LYPLAL1: variants seen among roughly 807,000 people sequenced by gnomAD.
The protein encoded by LYPLAL1 is lysophospholipase-like protein 1.
Under a neutral mutation model 19.7 loss-of-function variants are expected in LYPLAL1, and 23 were observed. The ratio of observed to expected loss-of-function variants is 1.17; its 90% CI spans 0.84 to 1.65. LYPLAL1 has a LOEUF of 1.65. LYPLAL1 is among the 40% of genes most tolerant of loss of function. The pLI, the probability that LYPLAL1 is intolerant of heterozygous loss-of-function variation, is 0.00. For missense variants in LYPLAL1, 355 were observed against 279.4 expected, an observed-to-expected ratio of 1.27 and a Z score of -1.93; for synonymous variants, 119 against 96.3, an observed-to-expected ratio of 1.24 and a Z score of -1.38.
the LYPLAL1 span, among the ~76,000 whole-genome samples, chr1:219,438,305 T>G: frequency 6.6e-6 from 1 of 152,196 alleles, no homozygotes; most frequent in African/African-American, 2.4e-5. Context: ...TGTTGGGAAT[T>G]CCCAGGCTGT....
chr1:219,295,177 C>G, the LYPLAL1 span, among the ~76,000 whole-genome samples: 1 of 152,176 alleles, frequency 6.6e-6, no homozygotes, highest in Non-Finnish European at 1.5e-5. Flanking sequence ...TGCCTATGCC[C>G]TTATCATCAC....
chr1:219,348,960 T>A, the LYPLAL1 span, among the ~76,000 whole-genome samples: 1 of 152,242 alleles, frequency 6.6e-6, no homozygotes, highest in East Asian at 1.9e-4. Flanking sequence ...CCATCTCAGC[T>A]ATTATATCAT....
At chr1:219,358,360 G>T in the LYPLAL1 span, among the ~76,000 whole-genome samples, 1 of 152,160 alleles carries the variant, frequency 6.6e-6, no homozygotes, top group South Asian at 2.1e-4. Flanking sequence ...TGATAAAATT[G>T]TTTTCTATGG....
the LYPLAL1 span, among the ~76,000 whole-genome samples, chr1:219,369,019 A>G: frequency 6.6e-5 from 10 of 152,378 alleles, no homozygotes; most frequent in Non-Finnish European, 1.2e-4. Flanking sequence ...TTAACTTTGA[A>G]CAGGGGTGGG....
the LYPLAL1 span, chr1:219,271,506 A>G: frequency 1.3e-5 from 2 of 152,188 alleles, no homozygotes; most frequent in African/African-American, 4.8e-5. Flanking sequence ...CATGCATTGA[A>G]GAGCATTTAA....
the LYPLAL1 span, among the ~76,000 whole-genome samples, chr1:219,368,235 C>T: frequency 7.9e-5 from 12 of 152,150 alleles, no homozygotes; most frequent in Non-Finnish European, 1.0e-4. Context: ...TCTTACCTTT[C>T]TGTGCTCTCA....
At chr1:219,181,150 T>C (rs1039796615) in intron 2 of LYPLAL1, among the ~76,000 whole-genome samples, 1 of 152,238 alleles carries the variant, frequency 6.6e-6, no homozygotes, top group African/African-American at 2.4e-5. Context: ...GTAATCGGTA[T>C]AAAATTATTA....
chr1:219,392,437 C>T, the LYPLAL1 span, among the ~76,000 whole-genome samples: 3 of 152,102 alleles, frequency 2.0e-5, no homozygotes, highest in Non-Finnish European at 4.4e-5. Context: ...CAGAAACTGA[C>T]AGTAAGTGGC....
At chr1:219,223,861 G>A in the LYPLAL1 span, among the ~76,000 whole-genome samples, 1 of 151,896 alleles carries the variant, frequency 6.6e-6, no homozygotes, top group African/African-American at 2.4e-5. Context: ...TTCATAATTG[G>A]TATTTTGTTT....
At chr1:219,392,388 A>G in the LYPLAL1 span, among the ~76,000 whole-genome samples, 5 of 152,202 alleles carry the variant, frequency 3.3e-5, no homozygotes, top group Non-Finnish European at 7.3e-5. Flanking sequence ...TTGTTTGTAT[A>G]TTTAAAATTT....
Position 219,211,808 on chromosome 1 carries a change from T to A in LYPLAL1, c.*80T>A. On this transcript the variant is annotated 3_prime_UTR_variant, in exon 5 of 5. Coordinates refer to ENST00000366928, the MANE Select transcript of LYPLAL1 (RefSeq NM_138794.5). ...TTTACTGCCAAATTATAATGATAATTAAAATATTAAGAAATAACACTTTCC... is the reference window on the plus strand; with the variant it reads ...TTTACTGCCAAATTATAATGATAATAAAAATATTAAGAAATAACACTTTCC... 1.1e-6 allele frequency: 1 copy of A among 887,590 alleles called. No homozygotes were observed. Among genetic ancestry groups the A allele is most frequent in the Non-Finnish European group, 1.7e-6 (1 of 591,828 alleles). The allele number at this position is 887,590 out of a possible 1,614,324, so 55.0% of individuals were successfully genotyped here. A position where few individuals can be genotyped will look rare whatever the true frequency, so the allele number is the denominator to read the frequency against.
At chr1:219,216,372 A>C (rs1207676856), downstream of LYPLAL1, among the ~76,000 whole-genome samples, 1 of 152,098 alleles carries the variant, frequency 6.6e-6, no homozygotes, top group Non-Finnish European at 1.5e-5. Flanking sequence ...AATATTCACA[A>C]GTTTTGTCAT....
the LYPLAL1 span, among the ~76,000 whole-genome samples, chr1:219,417,910 G>T: frequency 2.7e-4 from 41 of 152,356 alleles, no homozygotes; most frequent in African/African-American, 8.9e-4. Flanking sequence ...CTGAGTGGGC[G>T]CCATGACCTT....
At chr1:219,390,357 T>C in the LYPLAL1 span, among the ~76,000 whole-genome samples, 1 of 152,134 alleles carries the variant, frequency 6.6e-6, no homozygotes, top group Admixed American at 6.6e-5. Flanking sequence ...AGAAATGCAA[T>C]TGTCTTAAAA....
the LYPLAL1 span, among the ~76,000 whole-genome samples, chr1:219,228,165 A>G: frequency 2.0e-5 from 3 of 152,196 alleles, no homozygotes; most frequent in African/African-American, 7.2e-5. Context: ...AAACTTCCCT[A>G]AAGGGTCCCG....
At position 219,212,726 on chromosome 1, in the gene LYPLAL1, A is replaced by T. The variant is rs963568223; in HGVS notation, c.*998A>T. The T allele has an allele frequency of 5.3e-5, 8 of 152,026 alleles. No individual in the cohort carries two copies. The highest frequency in any genetic ancestry group is 1.9e-4 in the African/African-American group (8 of 41,420). 9.4% of individuals were successfully genotyped at this position (152,026 alleles called of 1,614,324 possible). ...AGATTTTTCCATGTTGTGTACATCA[A>T]TAGTTCATCTATTTTATTGCTCAGT... On this transcript the variant is annotated 3_prime_UTR_variant, in exon 5 of 5. Transcript: ENST00000366928.
the LYPLAL1 span, among the ~76,000 whole-genome samples, chr1:219,439,974 CAT>C: frequency 0.021 from 2,116 of 100,022 alleles, 74 homozygotes; most frequent in African/African-American, 0.077. Context: ...TATATATATA[CAT>C]ATATATATAT....
At chr1:219,317,661 C>G in the LYPLAL1 span, among the ~76,000 whole-genome samples, 1 of 152,096 alleles carries the variant, frequency 6.6e-6, no homozygotes, top group African/African-American at 2.4e-5. Flanking sequence ...AGCTACTTGA[C>G]TTTTAGTGGT....
chr1:219,303,577 T>C, the LYPLAL1 span, among the ~76,000 whole-genome samples: 1 of 152,258 alleles, frequency 6.6e-6, no homozygotes, highest in Non-Finnish European at 1.5e-5. Flanking sequence ...ACATGTGAGC[T>C]GTGAGAGAAC....
Sources: gnomAD v4.1 joint callset for allele counts (sites outside exome capture counted in the v4.1 genomes callset) on GRCh38, gnomAD v4.1.1 for gene constraint, MANE v1.5 for transcripts, NCBI Gene and HGNC (gene_info 2026-07-23, HGNC 2026-07-21) for gene names.